The following DNAH5 variants were observed in gnomAD, a reference collection of about 807,000 sequenced individuals.
DNAH5 encodes axonemal beta dynein heavy chain 5.
In DNAH5, 372 loss-of-function variants were observed where a neutral mutation model predicts 518.2. That is an observed-to-expected ratio of 0.72 (90% confidence interval 0.66 to 0.78). DNAH5 has a LOEUF of 0.78. Among genes scored for constraint, DNAH5 ranks in the 30% least tolerant of loss-of-function variants. The pLI, the probability that DNAH5 is intolerant of heterozygous loss-of-function variation, is 0.00. For synonymous variants in DNAH5, 2,039 were observed against 2,025.9 expected (o/e 1.01, Z -0.17); for missense variants, 5,523 against 5,687.0 (o/e 0.97, Z 0.93).
chr5:13,708,318 C>A lies in DNAH5; in HGVS notation c.13143G>T (p.Gln4381His). The A allele has an allele frequency of 3.1e-6, 5 of 1,614,064 alleles. No homozygotes were observed. Among genetic ancestry groups the A allele is most frequent in the Non-Finnish European group, 4.2e-6 (5 of 1,180,000 alleles). ...YVPFEVKERLQKMGPFQPMNI... is the reference protein window; with the variant it reads ...YVPFEVKERLHKMGPFQPMNI... The stretch of plus-strand genomic sequence containing the variant: ...TCATAGGCTGGAATGGCCCCATCTT[C>A]TGCAGCCTCTCTTTTACCTGCCATG... Residue 4381 changes from glutamine to histidine, a missense_variant, in exon 76 of 79, where the codon CAG becomes CAT. Gln to His is a conservative substitution (Grantham distance 24). This residue lies in a region of DNAH5 where 387 missense variants were observed against 430.0 expected (regional missense o/e 0.90). Coordinates refer to ENST00000265104, the MANE Select transcript of DNAH5 (RefSeq NM_001369.3).
chr5:13,791,909 C>A, intron 50 of DNAH5, 85 bp downstream of exon 50: 1 of 1,197,518 alleles, frequency 8.4e-7, no homozygotes, highest in Non-Finnish European at 1.2e-6. Flanking sequence ...GTTCACAGTT[C>A]AAGTAAAAAA....
At chr5:13,715,917 C>CATCCTACA (rs1744223982) in intron 74 of DNAH5, among the ~76,000 whole-genome samples, 1 of 152,176 alleles carries the variant, frequency 6.6e-6, no homozygotes, top group Non-Finnish European at 1.5e-5. Flanking sequence ...TGCTCAACAG[C>CATCCTACA]ACAGGCCAGC....
intron 17 of DNAH5, among the ~76,000 whole-genome samples, chr5:13,890,438 T>C (rs1427904838): frequency 1.3e-5 from 2 of 150,906 alleles, no homozygotes; most frequent in African/African-American, 4.9e-5. Context: ...ATGGAGATCT[T>C]CTGAGGGCCT....
chr5:13,912,953 A>C (rs1776189412), intron 11 of DNAH5, among the ~76,000 whole-genome samples: 1 of 151,908 alleles, frequency 6.6e-6, no homozygotes, highest in African/African-American at 2.4e-5. Flanking sequence ...TATTTTCTTT[A>C]TCTCTCCCAA....
intron 1 of DNAH5, among the ~76,000 whole-genome samples, chr5:14,006,302 G>A (rs1429320478): frequency 6.6e-6 from 1 of 152,200 alleles, no homozygotes; most frequent in Admixed American, 6.5e-5. Flanking sequence ...GACTAACTGA[G>A]ATGAACTAGG....
rs79526101 is a variant in DNAH5 at position 14,002,328 on chromosome 5, T to C, written c.12+9320A>G. On this transcript the variant is annotated intron_variant, in intron 1 of 78. Transcript: ENST00000681290. Reference sequence around the variant, plus strand: ...GGGTGCACATCTGAAGAGATCATTATGTTTGGGGAGTTTTTCTGGCTATCT... The same window carrying C: ...GGGTGCACATCTGAAGAGATCATTACGTTTGGGGAGTTTTTCTGGCTATCT... 7.6e-3 allele frequency among the ~76,000 whole-genome samples: 1,162 copies of C among 152,358 alleles called. 56 individuals are homozygous for C. The highest frequency in any genetic ancestry group is 0.062 in the Admixed American group (948 of 15,302).
intron 47 of DNAH5, among the ~76,000 whole-genome samples, chr5:13,807,043 G>T (rs1439066025): frequency 6.6e-6 from 1 of 152,182 alleles, no homozygotes; most frequent in Non-Finnish European, 1.5e-5. Flanking sequence ...CATAGCTGGG[G>T]ATTCTTCCAT....
At chr5:13,952,715 A>G (rs1380531142) in intron 1 of DNAH5, among the ~76,000 whole-genome samples, 2 of 152,250 alleles carry the variant, frequency 1.3e-5, no homozygotes, top group African/African-American at 2.4e-5. Context: ...TTACTCCACT[A>G]TCAAGAAAAC....
Position 13,729,559 on chromosome 5 carries a change from T to A in DNAH5, c.11763A>T (p.Gly3921=). 6.2e-7 allele frequency: 1 copy of A among 1,609,870 alleles called. No individual in the cohort carries two copies. Among genetic ancestry groups the A allele is most frequent in the Non-Finnish European group, 8.5e-7 (1 of 1,177,322 alleles). ...AAGCTTTAAGGTCTAATGAGGCACC[T>A]CCTTTAAAATTAAATATTAAATTAT... ...KHEEFLTLIK[G]GASLDLKACP... The change falls in exon 69 of 79, where the codon GGA becomes GGT. Residue 3921 remains glycine (G), a splice_region_variant and synonymous_variant. Transcript: ENST00000265104.
intron 70 of DNAH5, among the ~76,000 whole-genome samples, chr5:13,723,818 G>A (rs1478833085): frequency 6.6e-6 from 1 of 152,114 alleles, no homozygotes; most frequent in Admixed American, 6.6e-5. Context: ...AAATGTTGTT[G>A]GCAGGCCCTA....
At chr5:13,938,549 A>ATATAT (rs1447209199) in intron 1 of DNAH5, among the ~76,000 whole-genome samples, 1 of 150,332 alleles carries the variant, frequency 6.7e-6, no homozygotes, top group African/African-American at 2.5e-5. Flanking sequence ...TGTATATATA[A>ATATAT]AAAATGTAAA....
intron 22 of DNAH5, among the ~76,000 whole-genome samples, chr5:13,875,376 A>G (rs1170748886): frequency 6.7e-6 from 1 of 150,014 alleles, no homozygotes; most frequent in East Asian, 2.0e-4. Context: ...CTGAGACAGG[A>G]GAATCGCTTG....
At chr5:13,725,245 G>A (rs181693117) in intron 70 of DNAH5, among the ~76,000 whole-genome samples, 1 of 152,348 alleles carries the variant, frequency 6.6e-6, no homozygotes, top group East Asian at 1.9e-4. Context: ...ATATGTCAGA[G>A]AAGGCTCCCT....
chr5:13,811,759 A>G lies in DNAH5; in HGVS notation c.7295T>C (p.Phe2432Ser), dbSNP rs1218944656. ...EILRQLYTES[F>S]PDLYRFCIQN... ...GATACAGAAGCGATACAAGTCTGGG[A>G]AAGACTCGGTGTACAGCTGACGAAG... Residue 2432 changes from phenylalanine (F) to serine (S), a missense_variant, in exon 44 of 79, where the codon TTC becomes TCC. Phe to Ser is a radical substitution (Grantham distance 155). Transcript: ENST00000265104. 1.9e-6 allele frequency: 3 copies of G among 1,614,120 alleles called. No individual in the cohort carries two copies. Among genetic ancestry groups the G allele is most frequent in the Non-Finnish European group, 2.5e-6 (3 of 1,180,022 alleles).
chr5:13,763,371 T>C (rs1752040074), intron 59 of DNAH5, among the ~76,000 whole-genome samples: 1 of 152,226 alleles, frequency 6.6e-6, no homozygotes, highest in Non-Finnish European at 1.5e-5. Flanking sequence ...CAGACAGAAG[T>C]TTTATTAAAC....
intron 25 of DNAH5, among the ~76,000 whole-genome samples, chr5:13,867,444 G>A (rs778598548): frequency 6.6e-6 from 1 of 152,084 alleles, no homozygotes; most frequent in Non-Finnish European, 1.5e-5. Flanking sequence ...TGAAGAAGGT[G>A]CCTTGCTTCC....
intron 10 of DNAH5, among the ~76,000 whole-genome samples, chr5:13,914,295 C>A (rs1347406253): frequency 1.3e-5 from 2 of 152,020 alleles, no homozygotes; most frequent in Admixed American, 1.3e-4. Context: ...GTCTTTGTAT[C>A]TCTAGTACTT....
At chr5:13,757,465 G>C (rs954257350) in intron 61 of DNAH5, among the ~76,000 whole-genome samples, 1 of 152,192 alleles carries the variant, frequency 6.6e-6, no homozygotes, top group Non-Finnish European at 1.5e-5. Flanking sequence ...GTGATACTGA[G>C]CTTGTTTTCA....
chr5:13,890,943 A>G, intron 17 of DNAH5, 33 bp downstream of exon 17: 6 of 1,613,518 alleles, frequency 3.7e-6, no homozygotes, highest in Non-Finnish European at 5.1e-6. Flanking sequence ...ATCACCAAAA[A>G]CCTTAAACAA....
Sources: allele counts gnomAD v4.1 joint callset (sites outside exome capture counted in the v4.1 genomes callset), GRCh38; gene constraint gnomAD v4.1.1; regional missense constraint gnomAD v4.1.1; transcripts MANE v1.5; gene names NCBI Gene and HGNC (gene_info 2026-07-23, HGNC 2026-07-21).